The following PRDM15 variants were observed in gnomAD, a reference collection of about 807,000 sequenced individuals.
The protein encoded by PRDM15 is PR/SET domain 15.
A neutral mutation model predicts 128.6 loss-of-function variants in PRDM15; 64 were observed. The ratio of observed to expected loss-of-function variants is 0.50; its 90% confidence interval spans 0.41 to 0.61. The LOEUF (loss-of-function observed/expected upper bound fraction) is 0.61, where lower values mean the gene tolerates loss of function less well. Ranked by LOEUF, PRDM15 falls within the 20% of genes least tolerant of loss-of-function variation. PRDM15 has a pLI of 0.00. For missense variants in PRDM15, 1,242 were observed against 1,569.1 expected (o/e 0.79, Z 3.52); for synonymous variants, 615 against 621.8 (o/e 0.99, Z 0.16).
chr21:41,829,017 TACAC>T (rs1295848345), intron 11 of PRDM15, among the ~76,000 whole-genome samples: 3 of 91,908 alleles, frequency 3.3e-5, no homozygotes, highest in African/African-American at 1.3e-4. Flanking sequence ...ACACACCACA[TACAC>T]ACTACACACA....
At position 41,854,790 on chromosome 21, in the gene PRDM15, C is replaced by T. The variant is rs2063530189; in HGVS notation, c.314G>A (p.Cys105Tyr). The change falls in exon 5 of 24, where the codon TGC becomes TAC. Residue 105 changes from cysteine to tyrosine, a missense_variant. Cys to Tyr is a radical substitution (Grantham distance 194). Around this residue, in one of 3 missense-constraint regions of PRDM15, gnomAD observed 612 missense variants for 717.0 expected, o/e 0.85. Coordinates refer to ENST00000398548, the MANE Select transcript of PRDM15 (RefSeq NM_001040424.3). The surrounding 1 kb of genome is among the most constrained non-coding windows in gnomAD (Gnocchi z 4.6). ...GTCATCCTCGTTGGAGGTGTCGAAG[C>T]ACACGGGGTGCCCGTCCTTCTGGAA... Reference protein sequence around the residue: ...KVFQKDGHPVCFDTSNEDDCN... With the variant: ...KVFQKDGHPVYFDTSNEDDCN... 3 of 1,605,772 alleles carry T rather than the reference C, an allele frequency of 1.9e-6. No homozygotes were observed. Among genetic ancestry groups the T allele is most frequent in the African/African-American group, 1.3e-5 (1 of 74,846 alleles).
rs1300428779 is a variant in PRDM15 at position 41,832,500 on chromosome 21, G to C, written c.1366+2937C>G. Among the ~76,000 whole-genome samples, 2 of 152,122 alleles carry C rather than the reference G, an allele frequency of 1.3e-5. No individual in the cohort carries two copies. Among genetic ancestry groups the C allele is most frequent in the Non-Finnish European group, 1.5e-5 (1 of 68,012 alleles). On this transcript the variant is annotated intron_variant, in intron 11 of 23. Coordinates refer to ENST00000398548, the MANE Select transcript of PRDM15 (RefSeq NM_001040424.3). The surrounding 1 kb of genome is among the most constrained non-coding windows in gnomAD (Gnocchi z 4.2). ...CAGGCCACACCTTTACAGTGCTGTG[G>C]CAACGGATCACCATAGGCCACACCT...
In PRDM15 at chr21:41,810,478, G is replaced by A. The variant is rs773007808; in HGVS notation, c.2477-149C>T. 192 of 781,324 alleles carry A rather than the reference G, an allele frequency of 2.5e-4. 1 individual carries two copies. Among genetic ancestry groups the A allele is most frequent in the South Asian group, 1.3e-3 (76 of 58,106 alleles). 48.4% of individuals were successfully genotyped at this position (781,324 alleles called of 1,614,324 possible). On this transcript the variant is annotated intron_variant, in intron 20 of 23. Coordinates refer to ENST00000398548, the MANE Select transcript of PRDM15 (RefSeq NM_001040424.3). This position sits in a 1 kb window ranked among gnomAD's most constrained non-coding sequence, Gnocchi z 6.4. ...CCTGAGAGGGCCGGTGCTGGTCCCCGAGCACACATGAGCACAGAGCCTCTG... is the reference window on the plus strand; with the variant it reads ...CCTGAGAGGGCCGGTGCTGGTCCCCAAGCACACATGAGCACAGAGCCTCTG...
intron 9 of PRDM15, 33 bp downstream of exon 9, chr21:41,836,435 G>GC (rs766223338): frequency 5.0e-6 from 8 of 1,587,550 alleles, no homozygotes; most frequent in Non-Finnish European, 6.9e-6. Flanking sequence ...CCTGGCCCTG[G>GC]CCCCGGGCGC....
Position 41,802,765 on chromosome 21 carries a change from A to ACTCCGT in PRDM15, c.2884_2889dup (p.Thr962_Glu963dup), listed in dbSNP as rs776589965. 1 of 1,614,020 alleles carries ACTCCGT rather than the reference A, an allele frequency of 6.2e-7. No individual in the cohort carries two copies. The highest frequency in any genetic ancestry group is 8.5e-7 in the Non-Finnish European group (1 of 1,180,002). On this transcript the variant is annotated inframe_insertion, in exon 23 of 24. Coordinates refer to ENST00000398548, the MANE Select transcript of PRDM15 (RefSeq NM_001040424.3). ...GTCTCGTCGCCTACACTGCCTGTGA[A>ACTCCGT]CTCCGTCTCTTTCTCTGAGTATTCG... is the stretch of plus-strand genomic sequence containing the variant.
chr21:41,861,539 C>G (rs374804037), intron 1 of PRDM15: 11 of 1,557,762 alleles, frequency 7.1e-6, no homozygotes, highest in South Asian at 3.5e-5. Context: ...CCTCTGCCCC[C>G]CCCCAATCCC....
chr21:41,808,866 AAT>A (rs1432578254), intron 21 of PRDM15, among the ~76,000 whole-genome samples: 1 of 152,238 alleles, frequency 6.6e-6, no homozygotes, highest in Admixed American at 6.5e-5. Flanking sequence ...GTAGGGTTGG[AAT>A]AGGGGTTGGA....
Position 41,835,478 on chromosome 21 carries a change from A to C in PRDM15, c.1325T>G (p.Phe442Cys), listed in dbSNP as rs2062842080. Residue 442 changes from phenylalanine (F) to cysteine (C), a missense_variant, in exon 11 of 24, where the codon TTC becomes TGC. Transcript: ENST00000398548. Reference protein sequence around the residue: ...RYRCGTCEKTFRIESALEFHN... With the variant: ...RYRCGTCEKTCRIESALEFHN... ...GAACTCCAGCGCGCTCTCGATGCGG[A>C]AGGTCTTCTCACAAGTGCCGCAGCG... 1 of 1,610,458 alleles carries C rather than the reference A, an allele frequency of 6.2e-7. No individual in the cohort carries two copies. Among genetic ancestry groups the C allele is most frequent in the Non-Finnish European group, 8.5e-7 (1 of 1,179,876 alleles).
chr21:41,867,423 G>T, intron 1 of PRDM15: 1 of 1,372,892 alleles, frequency 7.3e-7, no homozygotes, highest in Non-Finnish European at 1.0e-6. Context: ...ACACACTTCA[G>T]CAGAACAGGT....
chr21:41,869,397 C>T (rs1320338825), intron 1 of PRDM15, among the ~76,000 whole-genome samples: 1 of 151,996 alleles, frequency 6.6e-6, no homozygotes, highest in Non-Finnish European at 1.5e-5. Flanking sequence ...CTTCCTGCCT[C>T]AGCCTTCCGA....
chr21:41,861,851 C>T lies in PRDM15; in HGVS notation c.-9-1479G>A, dbSNP rs150911496. The stretch of plus-strand genomic sequence containing the variant: ...AGAGTTCCAATTTGCCCTTAAAATG[C>T]CAGAAATAACAAGGGGAGGGGGGTG... On this transcript the variant is annotated intron_variant, in intron 1 of 23. Coordinates refer to ENST00000398548, the MANE Select transcript of PRDM15 (RefSeq NM_001040424.3). 725 of 1,575,000 alleles carry T rather than the reference C, an allele frequency of 4.6e-4. 4 individuals carry two copies. Among genetic ancestry groups the T allele is most frequent in the Non-Finnish European group, 5.9e-5 (68 of 1,148,286 alleles).
chr21:41,847,144 G>T lies in PRDM15; in HGVS notation c.586C>A (p.Gln196Lys). The change falls in exon 6 of 24, where the codon CAG becomes AAG. Residue 196 changes from glutamine to lysine, a missense_variant. By Grantham distance (53) the Gln-to-Lys change is moderately conservative. Around this residue, in one of 3 missense-constraint regions of PRDM15, gnomAD observed 612 missense variants for 717.0 expected, o/e 0.85. Transcript: ENST00000398548. ...NSAPVESEPS[Q>K]WACKVCSATF... ...GCAGAACACACTTTACACGCCCACT[G>T]GCTGGGCTCCGACTCCACGGGGGCG... The T allele has an allele frequency of 6.4e-7, 1 of 1,556,034 alleles. No homozygotes were observed. The highest frequency in any genetic ancestry group is 8.7e-7 in the Non-Finnish European group (1 of 1,148,936).
chr21:41,798,299 CCAAA>C lies in PRDM15; in HGVS notation c.*2937_*2940del, dbSNP rs1445687451. 1 of 152,190 alleles carries C rather than the reference CCAAA, an allele frequency of 6.6e-6. No homozygotes were observed. The highest frequency in any genetic ancestry group is 1.9e-4 in the East Asian group (1 of 5,190). 9.4% of individuals were successfully genotyped at this position (152,190 alleles called of 1,614,324 possible). ...GTGACAGGAAATACAGCCAACATCT[CCAAA>C]CAGTCTTAATGCCTTTCACAATCCA... On this transcript the variant is annotated 3_prime_UTR_variant, in exon 24 of 24. Transcript: ENST00000398548.
chr21:41,828,180 C>T lies in PRDM15; in HGVS notation c.1520G>A (p.Arg507His). The T allele has an allele frequency of 3.1e-6, 5 of 1,613,884 alleles. No individual in the cohort carries two copies. Among genetic ancestry groups the T allele is most frequent in the South Asian group, 2.2e-5 (2 of 91,074 alleles). Residue 507 changes from arginine to histidine, a missense_variant, in exon 12 of 24, where the codon CGC (arginine) becomes CAC (histidine). Coordinates refer to ENST00000398548, the MANE Select transcript of PRDM15 (RefSeq NM_001040424.3). This position sits in a 1 kb window ranked among gnomAD's most constrained non-coding sequence, Gnocchi z 5.7. ...GGCGGCCTCACCTTCCAGGTGCCGG[C>T]GCTGGTGGTCCAGCATGACGTCCTT... ...YRKDVMLDHQ[R>H]RHLEGVRRVK... is the part of the protein sequence containing the mutation.
intron 8 of PRDM15, 127 bp from the exon 9 acceptor site, chr21:41,836,776 G>A: frequency 2.7e-6 from 2 of 734,674 alleles, no homozygotes; most frequent in South Asian, 3.8e-5. Flanking sequence ...GAGAAAGGAG[G>A]GAATGCGCCC....
intron 21 of PRDM15, among the ~76,000 whole-genome samples, chr21:41,808,464 G>A (rs556748939): frequency 2.0e-5 from 3 of 152,330 alleles, no homozygotes; most frequent in Admixed American, 6.5e-5. Context: ...ACACGGCGAC[G>A]TCCCGGGTCA....
chr21:41,820,097 G>A lies in PRDM15; in HGVS notation c.2138C>T (p.Thr713Ile). ...GNLERHKLIH[T>I]GVKSHACEQC... is the part of the protein sequence containing the mutation. ...CCCAAATGCTGACAGACACGCACCT[G>A]TGTGGATGAGCTTGTGGCGCTCCAG... is the stretch of plus-strand genomic sequence containing the variant. The change falls in exon 17 of 24, where the codon ACA becomes ATA. Residue 713 changes from threonine (T) to isoleucine (I), a missense_variant and splice_region_variant. By Grantham distance (89) the Thr-to-Ile change is moderately conservative. Transcript: ENST00000398548. 1 of 1,613,584 alleles carries A rather than the reference G, an allele frequency of 6.2e-7. No homozygotes were observed. The highest frequency in any genetic ancestry group is 8.5e-7 in the Non-Finnish European group (1 of 1,179,642).
chr21:41,827,643 G>A (rs979899675), intron 12 of PRDM15, among the ~76,000 whole-genome samples: 7 of 152,142 alleles, frequency 4.6e-5, no homozygotes, highest in African/African-American at 1.7e-4. Flanking sequence ...TGCCCAGGAG[G>A]GTTCTACTTT....
At chr21:41,817,260 G>C (rs2062085273) in intron 18 of PRDM15, among the ~76,000 whole-genome samples, 1 of 152,166 alleles carries the variant, frequency 6.6e-6, no homozygotes, top group Non-Finnish European at 1.5e-5. Context: ...TCCCGAACAG[G>C]GGATGCCTTT....
Sources: allele counts gnomAD v4.1 joint callset (sites outside exome capture counted in the v4.1 genomes callset), GRCh38; gene constraint gnomAD v4.1.1; regional missense constraint gnomAD v4.1.1; non-coding constraint Gnocchi (gnomAD v3.1); transcripts MANE v1.5; gene names NCBI Gene and HGNC (gene_info 2026-07-23, HGNC 2026-07-21).